Variants in AKAP9 observed in about 807,000 individuals in gnomAD.
AKAP9 encodes the protein A-kinase anchoring protein 9.
Under a neutral mutation model 488.5 loss-of-function variants are expected in AKAP9, and 311 were observed. That is an observed-to-expected ratio of 0.64 (90% CI 0.58 to 0.70). AKAP9 has a LOEUF of 0.70. AKAP9 is among the 30% of genes least tolerant of loss of function. The pLI is 0.00. For missense variants in AKAP9, 4,215 were observed against 4,374.5 expected, an observed-to-expected ratio of 0.96 and a Z score of 1.03; for synonymous variants, 1,462 against 1,483.5, an observed-to-expected ratio of 0.99 and a Z score of 0.33.
At chr7:91,983,041 T>C (rs1261820795) in intron 3 of AKAP9, among the ~76,000 whole-genome samples, 1 of 152,258 alleles carries the variant, frequency 6.6e-6, no homozygotes, top group South Asian at 2.1e-4. Flanking sequence ...TTGTTTGCTT[T>C]TTTTTTCTTT....
At chr7:92,032,197 G>A (rs1372786886) in intron 16 of AKAP9, among the ~76,000 whole-genome samples, 1 of 152,104 alleles carries the variant, frequency 6.6e-6, no homozygotes, top group Non-Finnish European at 1.5e-5. Context: ...TACCTGATTG[G>A]CTTTTAATAT....
At chr7:92,074,170 A>G (rs1373594018) in intron 28 of AKAP9, among the ~76,000 whole-genome samples, 5 of 152,218 alleles carry the variant, frequency 3.3e-5, no homozygotes, top group Non-Finnish European at 5.9e-5. Flanking sequence ...AAACAAATTT[A>G]CAAGAAAAAA....
intron 1 of AKAP9, among the ~76,000 whole-genome samples, chr7:91,947,388 G>A (rs917722056): frequency 2.6e-5 from 4 of 151,500 alleles, no homozygotes; most frequent in Non-Finnish European, 5.9e-5. Flanking sequence ...TGTCACCCAG[G>A]CTGGAGTGCA....
chr7:92,098,027 C>A, intron 42 of AKAP9, 82 bp from the exon 43 acceptor site: 1 of 952,682 alleles, frequency 1.0e-6, no homozygotes, highest in Non-Finnish European at 1.7e-6. Context: ...TGAAGTAGAA[C>A]GTCGCCTGCT....
chr7:91,946,669 C>T (rs1791490058), intron 1 of AKAP9, among the ~76,000 whole-genome samples: 1 of 152,178 alleles, frequency 6.6e-6, no homozygotes, highest in African/African-American at 2.4e-5. Context: ...CCACTGCACC[C>T]AGCTTAGGCT....
At chr7:92,076,071 C>T (rs1812540962) in intron 28 of AKAP9, among the ~76,000 whole-genome samples, 1 of 152,198 alleles carries the variant, frequency 6.6e-6, no homozygotes, top group Non-Finnish European at 1.5e-5. Context: ...CATTCATTCA[C>T]TTTGTATTAA....
intron 24 of AKAP9, among the ~76,000 whole-genome samples, chr7:92,063,989 C>T (rs1309576221): frequency 6.6e-6 from 1 of 152,116 alleles, no homozygotes; most frequent in Non-Finnish European, 1.5e-5. Context: ...ACCATGTTGG[C>T]CAGGCTGGTC....
At chr7:92,060,846 G>A (rs1216063239) in intron 22 of AKAP9, among the ~76,000 whole-genome samples, 1 of 152,138 alleles carries the variant, frequency 6.6e-6, no homozygotes, top group East Asian at 1.9e-4. Context: ...TACTGTAGGA[G>A]TCACAATCCG....
intron 1 of AKAP9, among the ~76,000 whole-genome samples, chr7:91,956,246 A>G (rs1452485983): frequency 6.6e-6 from 1 of 151,738 alleles, no homozygotes; most frequent in Non-Finnish European, 1.5e-5. Flanking sequence ...TAAAAATGCA[A>G]AAAGTTAGCC....
At chr7:92,094,965 C>T in intron 39 of AKAP9, 58 bp from the exon 40 acceptor site, 1 of 1,544,954 alleles carries the variant, frequency 6.5e-7, no homozygotes, top group African/African-American at 1.4e-5. Context: ...TTTTCTCTCT[C>T]TCATTATATG....
At chr7:92,069,891 C>G in intron 26 of AKAP9, 139 bp from the exon 27 acceptor site, 1 of 749,428 alleles carries the variant, frequency 1.3e-6, no homozygotes, top group Non-Finnish European at 2.1e-6. Context: ...GACTCCATTT[C>G]TTAAACAGAC....
At chr7:92,014,384 C>T (rs572680147) in intron 10 of AKAP9, 56 bp downstream of exon 10, 2 of 1,312,240 alleles carry the variant, frequency 1.5e-6, no homozygotes, top group South Asian at 2.4e-5. Context: ...ACTTATAATC[C>T]CAGCACTTTG....
chr7:91,988,451 A>T (rs944259719), intron 3 of AKAP9, among the ~76,000 whole-genome samples: 10 of 152,106 alleles, frequency 6.6e-5, no homozygotes, highest in Admixed American at 3.9e-4. Context: ...AGCCTGTGTG[A>T]CAGAGTGAGA....
At chr7:92,092,751 A>G (rs1010433601) in intron 38 of AKAP9, 39 of 235,344 alleles carry the variant, frequency 1.7e-4, no homozygotes, top group Non-Finnish European at 9.3e-5. Context: ...GGCTCAAGCA[A>G]TCCCCCCACC....
chr7:91,961,380 G>A (rs1417178656), intron 1 of AKAP9, among the ~76,000 whole-genome samples: 1 of 151,558 alleles, frequency 6.6e-6, no homozygotes, highest in Non-Finnish European at 1.5e-5. Context: ...GTTTCACCAT[G>A]TTGGTCAGGC....
Position 91,973,941 on chromosome 7 carries a change from C to A in AKAP9, c.279C>A (p.Thr93=), listed in dbSNP as rs1280732703. 3.1e-6 allele frequency: 5 copies of A among 1,613,676 alleles called. No individual in the cohort carries two copies. Among genetic ancestry groups the A allele is most frequent in the Non-Finnish European group, 4.2e-6 (5 of 1,179,948 alleles). Residue 93 remains threonine, a synonymous_variant, in exon 2 of 50, where the codon ACC becomes ACA. Coordinates refer to ENST00000356239, the MANE Select transcript of AKAP9 (RefSeq NM_005751.5). ...IMRTLHSGEI[T]SHEQGFSVEL... ...GAACTCTACATAGTGGAGAAATAAC[C>A]AGTCATGAGCAGGGCTTCTCTGTGG...
intron 3 of AKAP9, among the ~76,000 whole-genome samples, chr7:91,986,558 T>A (rs1797120396): frequency 6.6e-6 from 1 of 152,170 alleles, no homozygotes; most frequent in South Asian, 2.1e-4. Context: ...TAATTTTAAA[T>A]ATTGATTTGA....
intron 23 of AKAP9, among the ~76,000 whole-genome samples, 194 bp downstream of exon 23, chr7:92,061,616 ATAT>A: frequency 7.6e-6 from 1 of 131,832 alleles, no homozygotes; most frequent in Non-Finnish European, 1.6e-5. Flanking sequence ...ATATATATAT[ATAT>A]AAAATTATAA....
intron 1 of AKAP9, among the ~76,000 whole-genome samples, chr7:91,949,335 C>A (rs1398802943): frequency 6.6e-6 from 1 of 151,918 alleles, no homozygotes; most frequent in East Asian, 1.9e-4. Flanking sequence ...GTGATAGGTT[C>A]TTGGTGAGTT....
Sources: gnomAD v4.1 joint callset for allele counts (sites outside exome capture counted in the v4.1 genomes callset) on GRCh38, gnomAD v4.1.1 for gene constraint, MANE v1.5 for transcripts, NCBI Gene and HGNC (gene_info 2026-07-23, HGNC 2026-07-21) for gene names.